The following MYH11 variants were observed in gnomAD, a reference collection of about 807,000 sequenced individuals.
MYH11 encodes the protein myosin-11.
MYH11 carries 80 observed loss-of-function variants against 246.6 expected under a neutral mutation model. The ratio of observed to expected loss-of-function variants is 0.32; its 90% confidence interval spans 0.27 to 0.39. MYH11 has a LOEUF of 0.39. Ranked by LOEUF, MYH11 falls within the 10% of genes least tolerant of loss-of-function variation. The pLI is 1.00. For missense variants in MYH11, 2,158 were observed against 2,546.8 expected (o/e 0.85, Z 3.29); for synonymous variants, 1,071 against 1,015.5 (o/e 1.05, Z -1.04).
At chr16:15,766,386 TGTGA>T (rs762546955) in intron 9 of MYH11, among the ~76,000 whole-genome samples, 4,094 of 105,762 alleles carry the variant, frequency 0.039, 86 homozygotes, top group Middle Eastern at 0.083. Context: ...TGTGTGTGTG[TGTGA>T]GACTGAGTCT....
At chr16:15,762,950 G>A (rs1276431787) in intron 10 of MYH11, among the ~76,000 whole-genome samples, 5 of 152,148 alleles carry the variant, frequency 3.3e-5, no homozygotes, top group African/African-American at 4.8e-5. Context: ...TTTGCTCTCA[G>A]CTCAGCCACC....
intron 40 of MYH11, among the ~76,000 whole-genome samples, chr16:15,707,034 T>C (rs1437514024): frequency 6.6e-6 from 1 of 152,108 alleles, no homozygotes; most frequent in Non-Finnish European, 1.5e-5. Flanking sequence ...GGTCTGATCC[T>C]GGAGAATCTG....
chr16:15,765,155 G>A (rs1271448983), intron 9 of MYH11, among the ~76,000 whole-genome samples: 1 of 152,156 alleles, frequency 6.6e-6, no homozygotes, highest in Non-Finnish European at 1.5e-5. Context: ...GTGGATGGAT[G>A]GATGAATGAA....
At chr16:15,740,005 G>A (rs940420354) in intron 23 of MYH11, 46 bp downstream of exon 23, 3 of 1,607,856 alleles carry the variant, frequency 1.9e-6, no homozygotes, top group Non-Finnish European at 2.5e-6. Flanking sequence ...GCCTCCCAAA[G>A]TGCTCGGATT....
chr16:15,855,944 T>C (rs1396160925), intron 1 of MYH11, among the ~76,000 whole-genome samples: 1 of 152,238 alleles, frequency 6.6e-6, no homozygotes, highest in Non-Finnish European at 1.5e-5. Flanking sequence ...TATTTTCTTT[T>C]ACTTCTTGAC....
At chr16:15,785,966 G>C (rs2042458907) in intron 5 of MYH11, 1 of 175,428 alleles carries the variant, frequency 5.7e-6, no homozygotes, top group Admixed American at 5.4e-5. Context: ...CACCCCAAGT[G>C]GTTCCTGGCA....
At chr16:15,720,127 C>A in intron 34 of MYH11, 24 bp downstream of exon 34, 1 of 1,614,108 alleles carries the variant, frequency 6.2e-7, no homozygotes, top group South Asian at 1.1e-5. Flanking sequence ...TCCACCCATG[C>A]CCCAAGCTCC....
intron 8 of MYH11, among the ~76,000 whole-genome samples, chr16:15,775,427 GC>G (rs2042198606): frequency 7.3e-3 from 3 of 412 alleles, no homozygotes; most frequent in African/African-American, 0.03. Flanking sequence ...TTTATGTGTT[GC>G]CTGAGCTCAC....
At position 15,713,661 on chromosome 16, in the gene MYH11, G is replaced by T. The variant is rs539877050; in HGVS notation, c.5786+1248C>A. 3 of 152,356 alleles carry T rather than the reference G, an allele frequency of 2.0e-5. No homozygotes were observed. The South Asian group carries it at 6.2e-4, about 32-fold the overall frequency. 9.4% of individuals were successfully genotyped at this position (152,356 alleles called of 1,614,324 possible). A position where few individuals can be genotyped will look rare whatever the true frequency, so the allele number is the denominator to read the frequency against. Reference sequence around the variant, plus strand: ...TAGGTTTGCGCCATCCCACCTGGCTGATTTTTGTTTGTTTGTTGTAGAGAT... The same window carrying T: ...TAGGTTTGCGCCATCCCACCTGGCTTATTTTTGTTTGTTTGTTGTAGAGAT... On this transcript the variant is annotated intron_variant, in intron 40 of 40. Coordinates refer to ENST00000300036, the MANE Select transcript of MYH11 (RefSeq NM_002474.3).
chr16:15,852,796 C>T (rs2044363935), intron 1 of MYH11, among the ~76,000 whole-genome samples: 1 of 152,156 alleles, frequency 6.6e-6, no homozygotes. Flanking sequence ...CTATTATTCC[C>T]ATTTTCCTGC....
chr16:15,706,607 T>C (rs577242603), intron 40 of MYH11, among the ~76,000 whole-genome samples: 3 of 151,990 alleles, frequency 2.0e-5, no homozygotes, highest in Admixed American at 6.6e-5. Context: ...CTCAGGAGGC[T>C]GAGGCAGGAG....
chr16:15,767,441 C>T (rs1487047231), intron 9 of MYH11, among the ~76,000 whole-genome samples: 1 of 152,080 alleles, frequency 6.6e-6, no homozygotes, highest in Non-Finnish European at 1.5e-5. Context: ...AAAATATGTC[C>T]ACCTGGAACC....
chr16:15,856,706 C>G (rs1452133472), intron 1 of MYH11, among the ~76,000 whole-genome samples: 1 of 151,766 alleles, frequency 6.6e-6, no homozygotes, highest in East Asian at 1.9e-4. Context: ...ATAAGCACCC[C>G]CAAAATGGTA....
At chr16:15,773,409 C>T (rs62029355) in intron 8 of MYH11, among the ~76,000 whole-genome samples, 3 of 151,080 alleles carry the variant, frequency 2.0e-5, no homozygotes, top group Admixed American at 6.6e-5. Flanking sequence ...TCCTGCCTCT[C>T]GAGTAGCTGG....
intron 5 of MYH11, chr16:15,785,449 A>G (rs998075376): frequency 6.6e-6 from 1 of 151,920 alleles, no homozygotes; most frequent in Non-Finnish European, 1.5e-5. Flanking sequence ...CTTGCCAGAG[A>G]CAATTCTAGG....
intron 1 of MYH11, among the ~76,000 whole-genome samples, chr16:15,843,345 TG>T (rs1263361468): frequency 6.7e-6 from 1 of 149,786 alleles, no homozygotes; most frequent in Non-Finnish European, 1.5e-5. Flanking sequence ...TACTCCAGCC[TG>T]GACAACAGAG....
intron 26 of MYH11, 36 bp from the exon 27 acceptor site, chr16:15,732,744 G>A: frequency 6.2e-7 from 1 of 1,613,394 alleles, no homozygotes; most frequent in South Asian, 1.1e-5. Context: ...GCAGTTGGGT[G>A]GAGACAGAGG....
At chr16:15,835,755 T>C (rs2151379314) in intron 2 of MYH11, among the ~76,000 whole-genome samples, 2 of 151,454 alleles carry the variant, frequency 1.3e-5, no homozygotes, top group Middle Eastern at 6.8e-3. Flanking sequence ...TATTTTTTTT[T>C]TTTTTTTTTT....
chr16:15,727,955 A>T (rs775518468), intron 27 of MYH11, among the ~76,000 whole-genome samples: 2 of 152,196 alleles, frequency 1.3e-5, no homozygotes, highest in Non-Finnish European at 2.9e-5. Context: ...TGGGCAACAA[A>T]GTGAGACCCT....
Sources: allele counts gnomAD v4.1 joint callset (sites outside exome capture counted in the v4.1 genomes callset), GRCh38; gene constraint gnomAD v4.1.1; transcripts MANE v1.5; gene names NCBI Gene and HGNC (gene_info 2026-07-23, HGNC 2026-07-21).